The following APOL3 variants were observed in gnomAD, a reference collection of about 807,000 sequenced individuals.
APOL3 encodes the protein TNF-inducible protein CG12-1.
APOL3 carries 14 observed loss-of-function variants against 11.6 expected under a neutral mutation model. The ratio of observed to expected loss-of-function variants is 1.21; its 90% CI spans 0.80 to 1.89. The LOEUF (loss-of-function observed/expected upper bound fraction) is 1.89, where lower values mean the gene tolerates loss of function less well. APOL3 is among the 40% of genes most tolerant of loss of function. APOL3 has a pLI of 0.00. For missense variants in APOL3, 483 were observed against 492.1 expected (o/e 0.98, Z 0.17); for synonymous variants, 192 against 190.6 (o/e 1.01, Z -0.06).
At chr22:36,141,748 C>T (rs1285909371) in exon 3 of APOL3, 3 of 1,614,144 alleles carry the variant, frequency 1.9e-6, no homozygotes, top group South Asian at 2.2e-5. Context: ...ACCCCAGCTG[C>T]AGTAAGGGCC....
chr22:36,159,256 T>G (rs2013407721), intron 1 of APOL3: 1 of 151,952 alleles, frequency 6.6e-6, no homozygotes, highest in Non-Finnish European at 1.5e-5. Flanking sequence ...GCCTCCCACC[T>G]CACCCCAGAT....
At chr22:36,145,594 T>G (rs2060167467) in exon 2 of APOL3, 1 of 1,613,614 alleles carries the variant, frequency 6.2e-7, no homozygotes, top group Non-Finnish European at 8.5e-7. Flanking sequence ...GTAAAGCGTT[T>G]CTTTTCTACT....
At chr22:36,143,274 C>T (rs760919931) in intron 2 of APOL3, among the ~76,000 whole-genome samples, 2 of 152,228 alleles carry the variant, frequency 1.3e-5, no homozygotes, top group Admixed American at 6.5e-5. Flanking sequence ...CTGAGGACAA[C>T]GAAGCTTCAC....
At chr22:36,145,500 C>T in exon 2 of APOL3, 1 of 1,614,122 alleles carries the variant, frequency 6.2e-7, no homozygotes, top group Non-Finnish European at 8.5e-7. Context: ...AGTCACGAAT[C>T]TCTTCCAGGC....
At chr22:36,145,127 A>G (rs1419500891) in intron 2 of APOL3, among the ~76,000 whole-genome samples, 1 of 152,132 alleles carries the variant, frequency 6.6e-6, no homozygotes, top group Non-Finnish European at 1.5e-5. Flanking sequence ...TGTGTCAGTC[A>G]TTATGCTAAA....
chr22:36,154,460 G>A, intron 1 of APOL3: 2 of 381,006 alleles, frequency 5.2e-6, no homozygotes, highest in Non-Finnish European at 1.1e-5. Context: ...TATCGTAACA[G>A]AGAATGTTTA....
In APOL3 at chr22:36,141,889, C is replaced by T. The variant is rs1422029484; in HGVS notation, c.520G>A (p.Ala174Thr). The change falls in exon 3 of 3, where the codon GCA (alanine) becomes ACA (threonine). Residue 174 changes from alanine to threonine, a missense_variant. Coordinates refer to ENST00000349314, the Ensembl canonical transcript of APOL3. Reference sequence around the variant, plus strand: ...CTGTGGACCTCTTCAATACCATTTGCAAGGGCACGAAGCTTTTCTATGGAC... The same window carrying T: ...CTGTGGACCTCTTCAATACCATTTGTAAGGGCACGAAGCTTTTCTATGGAC... 4 of 1,614,106 alleles carry T rather than the reference C, an allele frequency of 2.5e-6. No homozygotes were observed. Among genetic ancestry groups the T allele is most frequent in the African/African-American group, 2.7e-5 (2 of 74,946 alleles).
At chr22:36,146,621 T>C (rs1380665992) in intron 1 of APOL3, among the ~76,000 whole-genome samples, 1 of 151,966 alleles carries the variant, frequency 6.6e-6, no homozygotes, top group Non-Finnish European at 1.5e-5. Flanking sequence ...TAGATGTGTT[T>C]AGGATGGCAG....
At chr22:36,165,806 C>T (rs866775861), upstream of APOL3, 6 of 152,084 alleles carry the variant, frequency 3.9e-5, no homozygotes, top group Admixed American at 2.6e-4. Flanking sequence ...CAGGAAGTAG[C>T]CAGATTAATT....
At chr22:36,164,184 G>T (rs535051553), upstream of APOL3, among the ~76,000 whole-genome samples, 7 of 152,088 alleles carry the variant, frequency 4.6e-5, no homozygotes, top group African/African-American at 1.7e-4. Context: ...CAACATCAAC[G>T]GACTGCACAA....
upstream of APOL3, among the ~76,000 whole-genome samples, chr22:36,164,338 T>G (rs2013805689): frequency 6.6e-6 from 1 of 152,180 alleles, no homozygotes; most frequent in Non-Finnish European, 1.5e-5. Flanking sequence ...CTGTCAATCC[T>G]AGGGTCGAGC....
chr22:36,145,976 C>CCCTG (rs1556607744), intron 1 of APOL3, among the ~76,000 whole-genome samples: 1,464 of 126,792 alleles, frequency 0.012, 13 homozygotes, highest in African/African-American at 0.036. Flanking sequence ...CTCCCTGTCT[C>CCCTG]TCTTTCTCTC....
At chr22:36,146,832 C>A (rs2146784728) in intron 1 of APOL3, among the ~76,000 whole-genome samples, 1 of 152,108 alleles carries the variant, frequency 6.6e-6, no homozygotes, top group East Asian at 1.9e-4. Context: ...GGATTACTGC[C>A]CAGATGAGTT....
Position 36,141,664 on chromosome 22 carries a change from C to T in APOL3, c.745G>A (p.Glu249Lys). ...GCAGTCAGCCTGCTGGCTTCAGCTT[C>T]TGCTGATGATGTGTATGAGTGCTCC... Residue 249 changes from glutamate to lysine, a missense_variant, in exon 3 of 3, where the codon GAA becomes AAA. By Grantham distance (56) the Glu-to-Lys change is moderately conservative. Coordinates refer to ENST00000349314, the Ensembl canonical transcript of APOL3. The T allele has an allele frequency of 2.5e-6, 4 of 1,614,150 alleles. No individual in the cohort carries two copies. The highest frequency in any genetic ancestry group is 2.5e-6 in the Non-Finnish European group (3 of 1,180,038).
intron 1 of APOL3, among the ~76,000 whole-genome samples, chr22:36,153,907 A>G (rs1189242504): frequency 6.6e-6 from 1 of 152,204 alleles, no homozygotes; most frequent in Non-Finnish European, 1.5e-5. Context: ...GAAAGGCGGG[A>G]CAACTCAAAG....
chr22:36,149,184 A>T (rs553597651), intron 1 of APOL3, 42 bp from the exon 2 acceptor site: 2 of 1,335,526 alleles, frequency 1.5e-6, no homozygotes, highest in South Asian at 2.4e-5. Flanking sequence ...AATGTGAGCC[A>T]CCTGTGGACA....
intron 1 of APOL3, among the ~76,000 whole-genome samples, chr22:36,155,110 T>A (rs132647): frequency 6.6e-6 from 1 of 152,058 alleles, no homozygotes; most frequent in Non-Finnish European, 1.5e-5. Flanking sequence ...CCTGGAAACA[T>A]TGACTCTAGA....
At chr22:36,164,138 C>G (rs1418618984), upstream of APOL3, among the ~76,000 whole-genome samples, 3 of 152,170 alleles carry the variant, frequency 2.0e-5, no homozygotes, top group Admixed American at 2.0e-4. Flanking sequence ...CCATATTTAG[C>G]TACCATCAAA....
intron 1 of APOL3, chr22:36,149,965 C>G (rs778032854): frequency 2.3e-6 from 1 of 443,834 alleles, no homozygotes; most frequent in Non-Finnish European, 4.5e-6. Context: ...TACCACCACG[C>G]TAGGCACATT....
Sources: allele counts gnomAD v4.1 joint callset (sites outside exome capture counted in the v4.1 genomes callset), GRCh38; gene constraint gnomAD v4.1.1; transcripts MANE v1.5; gene names NCBI Gene and HGNC (gene_info 2026-07-23, HGNC 2026-07-21).